The following CNOT8 variants were observed in gnomAD, a reference collection of about 807,000 sequenced individuals.
CNOT8 encodes CCR4-NOT transcription complex subunit 8.
Under a neutral mutation model 34.6 loss-of-function variants are expected in CNOT8, and 18 were observed. The ratio of observed to expected loss-of-function variants is 0.52; its 90% CI spans 0.36 to 0.77. CNOT8 has a LOEUF of 0.77. Among genes scored for constraint, CNOT8 ranks in the 30% least tolerant of loss-of-function variants. CNOT8 has a pLI of 0.00. For missense variants in CNOT8, 189 were observed against 347.9 expected (o/e 0.54, Z 3.63); for synonymous variants, 101 against 118.8 (o/e 0.85, Z 0.98).
intron 5 of CNOT8, 87 bp downstream of exon 5, chr5:154,871,961 A>T (rs1189504622): frequency 1.3e-5 from 15 of 1,135,254 alleles, no homozygotes; most frequent in Non-Finnish European, 1.8e-5. Context: ...TTCAGCATGC[A>T]TTTTTGAGTA....
At chr5:154,873,977 G>A (rs1489024178) in intron 6 of CNOT8, among the ~76,000 whole-genome samples, 1 of 152,104 alleles carries the variant, frequency 6.6e-6, no homozygotes, top group Non-Finnish European at 1.5e-5. Flanking sequence ...GTGCCACAGT[G>A]GAGAGATCTT....
At chr5:154,860,524 T>C (rs1761231824) in intron 1 of CNOT8, among the ~76,000 whole-genome samples, 1 of 152,138 alleles carries the variant, frequency 6.6e-6, no homozygotes, top group Non-Finnish European at 1.5e-5. Context: ...CCCAGGCTGG[T>C]CTCGAACTCC....
At position 154,858,685 on chromosome 5, in the gene CNOT8, C is replaced by T. The variant is rs763062947; in HGVS notation, c.-156C>T. 2.0e-5 allele frequency: 3 copies of T among 152,306 alleles called. No homozygotes were observed. Among genetic ancestry groups the T allele is most frequent in the East Asian group, 1.9e-4 (1 of 5,168 alleles). The allele number at this position is 152,306 out of a possible 1,614,324, so 9.4% of individuals were successfully genotyped here. A position where few individuals can be genotyped will look rare whatever the true frequency, so the allele number is the denominator to read the frequency against. ...AAAAGAGCTCCGGGCCAGGGGCTGC[C>T]GTCGCCGCCGTCGGGGAGTCAGCCC... On this transcript the variant is annotated 5_prime_UTR_variant, in exon 1 of 7. Transcript: ENST00000285896.
chr5:154,869,021 G>A (rs1466375074), intron 3 of CNOT8, among the ~76,000 whole-genome samples: 1 of 152,194 alleles, frequency 6.6e-6, no homozygotes, highest in African/African-American at 2.4e-5. Flanking sequence ...CCATGGTGGC[G>A]GTGTCTGAGT....
intron 1 of CNOT8, 142 bp from the exon 2 acceptor site, chr5:154,863,065 C>T (rs1761507018): frequency 6.6e-6 from 3 of 452,472 alleles, no homozygotes; most frequent in Non-Finnish European, 1.2e-5. Context: ...AAAGTTTCTC[C>T]ATCATATAAA....
intron 3 of CNOT8, among the ~76,000 whole-genome samples, chr5:154,868,262 TC>T (rs1762104002): frequency 1.5e-5 from 2 of 132,410 alleles, no homozygotes; most frequent in Admixed American, 8.1e-5. Context: ...CTTTTTCTTT[TC>T]TTTTCTTTTT....
intron 2 of CNOT8, among the ~76,000 whole-genome samples, chr5:154,864,349 A>G (rs1317494564): frequency 1.3e-5 from 2 of 151,934 alleles, no homozygotes; most frequent in East Asian, 3.9e-4. Context: ...AGTCCCAGCT[A>G]CTCGGGAGGC....
chr5:154,870,651 T>G lies in CNOT8; in HGVS notation c.312-10T>G. Reference sequence around the variant, plus strand: ...TTCACCAGTTAATAAATAAACACCTTGTTTTTTAGAGAGGACATGTACTCC... The same window carrying G: ...TTCACCAGTTAATAAATAAACACCTGGTTTTTTAGAGAGGACATGTACTCC... On this transcript the variant is annotated splice_polypyrimidine_tract_variant and intron_variant, in intron 3 of 6. Transcript: ENST00000285896. 6.2e-7 allele frequency: 1 copy of G among 1,607,382 alleles called. No individual in the cohort carries two copies. The highest frequency in any genetic ancestry group is 8.5e-7 in the Non-Finnish European group (1 of 1,176,776).
At chr5:154,865,017 G>C (rs1310986616) in intron 2 of CNOT8, among the ~76,000 whole-genome samples, 175 bp from the exon 3 acceptor site, 2 of 152,140 alleles carry the variant, frequency 1.3e-5, no homozygotes, top group Admixed American at 1.3e-4. Flanking sequence ...CCTCCAGCCT[G>C]GGTGACAGAG....
chr5:154,868,351 C>T (rs1301167855), intron 3 of CNOT8, among the ~76,000 whole-genome samples: 1 of 149,034 alleles, frequency 6.7e-6, no homozygotes, highest in Admixed American at 6.7e-5. Context: ...TCACTGCAAC[C>T]TCCACCTCCC....
chr5:154,869,425 G>GTTT (rs765749537), intron 3 of CNOT8, among the ~76,000 whole-genome samples: 16 of 127,342 alleles, frequency 1.3e-4, no homozygotes, highest in Admixed American at 6.3e-4. Context: ...GGCCTTGTTG[G>GTTT]TTTTTTTTTT....
In CNOT8 at chr5:154,870,528, G is replaced by A. The variant is rs113948820; in HGVS notation, c.312-133G>A. 1,420 of 612,802 alleles carry A rather than the reference G, an allele frequency of 2.3e-3. 17 individuals are homozygous for A. The African/African-American group carries it at 0.024, about 10-fold the overall frequency. The allele number at this position is 612,802 out of a possible 1,614,324, so 38.0% of individuals were successfully genotyped here. A position where few individuals can be genotyped will look rare whatever the true frequency, so the allele number is the denominator to read the frequency against. ...CATGCTTGTTTGAATGTTGGAAAGA[G>A]TGAATTGATCTATTAAGTTAGGAAA... is the stretch of plus-strand genomic sequence containing the variant. On this transcript the variant is annotated intron_variant, in intron 3 of 6. Coordinates refer to ENST00000285896, the MANE Select transcript of CNOT8 (RefSeq NM_001301073.2).
At chr5:154,870,556 C>A in intron 3 of CNOT8, 105 bp from the exon 4 acceptor site, 1 of 831,568 alleles carries the variant, frequency 1.2e-6, no homozygotes, top group Non-Finnish European at 1.9e-6. Flanking sequence ...TTAGGAAAAG[C>A]ATTTCAAAAA....
chr5:154,868,297 CT>C, intron 3 of CNOT8, among the ~76,000 whole-genome samples: 1 of 97,122 alleles, frequency 1.0e-5, no homozygotes. Flanking sequence ...GAGGTAATGT[CT>C]TGCTTTGTCA....
At chr5:154,868,741 A>C (rs575325192) in intron 3 of CNOT8, among the ~76,000 whole-genome samples, 1 of 152,188 alleles carries the variant, frequency 6.6e-6, no homozygotes, top group Non-Finnish European at 1.5e-5. Context: ...AGGCTATCCA[A>C]GCCTTGTTCT....
At chr5:154,873,804 A>G (rs1342748705) in intron 6 of CNOT8, among the ~76,000 whole-genome samples, 1 of 152,140 alleles carries the variant, frequency 6.6e-6, no homozygotes, top group African/African-American at 2.4e-5. Flanking sequence ...GTGATTCTCA[A>G]CTGGGGATGA....
intron 3 of CNOT8, among the ~76,000 whole-genome samples, chr5:154,868,828 G>A (rs566534751): frequency 6.6e-6 from 1 of 152,330 alleles, no homozygotes; most frequent in South Asian, 2.1e-4. Flanking sequence ...TGGGATTCCA[G>A]GGCTGTGGCT....
In CNOT8 at chr5:154,875,332, C is replaced by T. The variant is rs1263034152; in HGVS notation, c.772C>T (p.Arg258Trp). Residue 258 changes from arginine to tryptophan, a missense_variant, in exon 7 of 7, where the codon CGG (arginine) becomes TGG (tryptophan). By Grantham distance (101) the Arg-to-Trp change is moderately radical (BLOSUM62 -3). This residue lies in a region of CNOT8 where 160 missense variants were observed against 321.9 expected (regional missense o/e 0.50). Coordinates refer to ENST00000285896, the MANE Select transcript of CNOT8 (RefSeq NM_001301073.2). The part of the protein sequence containing the change: ...DSIDDAKYCG[R>W]LYGLGTGVAQ... ...CATTGATGATGCCAAGTACTGTGGG[C>T]GGCTCTATGGCTTAGGCACAGGAGT... is the stretch of plus-strand genomic sequence containing the variant. 6 of 1,613,968 alleles carry T rather than the reference C, an allele frequency of 3.7e-6. No homozygotes were observed. Among genetic ancestry groups the T allele is most frequent in the African/African-American group, 1.3e-5 (1 of 74,896 alleles).
At chr5:154,869,702 A>G (rs534356350) in intron 3 of CNOT8, among the ~76,000 whole-genome samples, 4 of 147,266 alleles carry the variant, frequency 2.7e-5, no homozygotes, top group African/African-American at 1.0e-4. Flanking sequence ...TTGGCTCACT[A>G]CAACCTCTGC....
Sources: allele counts gnomAD v4.1 joint callset (sites outside exome capture counted in the v4.1 genomes callset), GRCh38; gene constraint gnomAD v4.1.1; regional missense constraint gnomAD v4.1.1; transcripts MANE v1.5; gene names NCBI Gene and HGNC (gene_info 2026-07-23, HGNC 2026-07-21).